The following UBQLN1 variants were observed in gnomAD, a reference collection of about 807,000 sequenced individuals.
UBQLN1 encodes the protein ubiquilin 1, also known as ubiquilin-1.
Under a neutral mutation model 65.4 loss-of-function variants are expected in UBQLN1, and 13 were observed. The observed-to-expected ratio is 0.20, with a 90% CI of 0.13 to 0.32. The LOEUF (loss-of-function observed/expected upper bound fraction) is 0.32. Ranked by LOEUF, UBQLN1 falls within the 10% of genes least tolerant of loss-of-function variation. The pLI is 1.00. For synonymous variants in UBQLN1, 267 were observed against 247.8 expected (o/e 1.08, Z -0.73); for missense variants, 561 against 724.0 (o/e 0.77, Z 2.58).
At chr9:83,690,283 T>C (rs575076557) in intron 1 of UBQLN1, among the ~76,000 whole-genome samples, 6 of 152,230 alleles carry the variant, frequency 3.9e-5, no homozygotes, top group African/African-American at 1.4e-4. Context: ...CTGCCACATA[T>C]CATCACGGAT....
intron 1 of UBQLN1, 57 bp from the exon 2 acceptor site, chr9:83,686,212 T>C: frequency 8.3e-7 from 1 of 1,209,046 alleles, no homozygotes; most frequent in Non-Finnish European, 1.1e-6. Context: ...CCATACAGTC[T>C]AGTTTCTACA....
intron 1 of UBQLN1, among the ~76,000 whole-genome samples, chr9:83,707,177 T>C (rs1646062502): frequency 6.6e-6 from 1 of 151,942 alleles, no homozygotes; most frequent in Admixed American, 6.5e-5. Context: ...TGGGTCCCTT[T>C]CCTTTGTGAG....
Position 83,661,536 on chromosome 9 carries a change from G to T in UBQLN1, c.*251C>A. ...AAAATCTGGTCACCCAACTATAAAA[G>T]GTGATGTTTTTAAAAAATTACAATA... is the stretch of plus-strand genomic sequence containing the variant. On this transcript the variant is annotated 3_prime_UTR_variant, in exon 11 of 11. Transcript: ENST00000376395. 2.9e-6 allele frequency: 1 copy of T among 339,684 alleles called. No individual in the cohort carries two copies. Among genetic ancestry groups the T allele is most frequent in the East Asian group, 4.8e-5 (1 of 21,014 alleles). The allele number at this position is 339,684 out of a possible 1,614,324, so 21.0% of individuals were successfully genotyped here. A position where few individuals can be genotyped will look rare whatever the true frequency, so the allele number is the denominator to read the frequency against.
chr9:83,687,937 T>C (rs867587741), intron 1 of UBQLN1, among the ~76,000 whole-genome samples: 1 of 152,214 alleles, frequency 6.6e-6, no homozygotes, highest in East Asian at 1.9e-4. Context: ...TGAAATCCTA[T>C]GATATATAAT....
intron 6 of UBQLN1, among the ~76,000 whole-genome samples, chr9:83,669,643 C>T (rs894033278): frequency 6.6e-6 from 1 of 152,138 alleles, no homozygotes; most frequent in Non-Finnish European, 1.5e-5. Flanking sequence ...TGAAAAATTC[C>T]ATAAAGTGAA....
intron 1 of UBQLN1, among the ~76,000 whole-genome samples, chr9:83,697,984 C>T (rs927124841): frequency 7.2e-5 from 11 of 152,158 alleles, no homozygotes; most frequent in Non-Finnish European, 1.6e-4. Context: ...GATCCACCCG[C>T]CTCGGCCTCC....
chr9:83,704,742 C>T (rs1478986358), intron 1 of UBQLN1, among the ~76,000 whole-genome samples: 1 of 145,014 alleles, frequency 6.9e-6, no homozygotes, highest in Non-Finnish European at 1.5e-5. Context: ...TGGGAGAATC[C>T]TTGAACCCGG....
intron 1 of UBQLN1, among the ~76,000 whole-genome samples, chr9:83,701,694 G>A (rs139463011): frequency 6.8e-4 from 103 of 152,060 alleles, no homozygotes; most frequent in Middle Eastern, 3.4e-3. Context: ...TGTGGTTATC[G>A]GAATCCTCAT....
chr9:83,682,950 C>T lies in UBQLN1; in HGVS notation c.448+1G>A. Reference sequence around the variant, plus strand: ...CTACTGGAATGACTAAAGACACTTACCTAAACCAAAAGGGTTGCTAGTAGC... The same window carrying T: ...CTACTGGAATGACTAAAGACACTTATCTAAACCAAAAGGGTTGCTAGTAGC... On this transcript the variant is annotated splice_donor_variant, in intron 3 of 10. Transcript: ENST00000376395. LOFTEE classifies it high-confidence loss of function. The T allele has an allele frequency of 6.3e-7, 1 of 1,596,040 alleles. No homozygotes were observed.
intron 1 of UBQLN1, among the ~76,000 whole-genome samples, chr9:83,692,681 C>T (rs1832147880): frequency 6.6e-6 from 1 of 152,068 alleles, no homozygotes. Flanking sequence ...GGAGAAACCC[C>T]GTCTCTACTA....
intron 1 of UBQLN1, among the ~76,000 whole-genome samples, chr9:83,693,097 T>C (rs1832155355): frequency 1.3e-5 from 2 of 152,190 alleles, no homozygotes; most frequent in African/African-American, 2.4e-5. Context: ...CTACAATAAC[T>C]ACAGGCCAGA....
chr9:83,688,733 T>C (rs537156311), intron 1 of UBQLN1, among the ~76,000 whole-genome samples: 5 of 152,098 alleles, frequency 3.3e-5, no homozygotes, highest in African/African-American at 7.2e-5. Flanking sequence ...TTGTGGTGCA[T>C]GTCTGTAATC....
At chr9:83,692,728 TG>T (rs1231026447) in intron 1 of UBQLN1, among the ~76,000 whole-genome samples, 1 of 152,080 alleles carries the variant, frequency 6.6e-6, no homozygotes, top group Non-Finnish European at 1.5e-5. Context: ...GGCAAATGCC[TG>T]TAATCCCAGC....
At chr9:83,668,163 T>C (rs1831673116) in intron 7 of UBQLN1, 1 of 985,280 alleles carries the variant, frequency 1.0e-6, no homozygotes, top group African/African-American at 1.7e-5. Context: ...ATATACAGAA[T>C]CACAGACACA....
intron 7 of UBQLN1, 90 bp downstream of exon 7, chr9:83,669,095 C>T (rs1167480362): frequency 2.1e-6 from 3 of 1,458,734 alleles, no homozygotes; most frequent in Non-Finnish European, 2.7e-6. Context: ...AGATATCATA[C>T]ACAACACAAA....
chr9:83,707,560 G>A lies in UBQLN1; in HGVS notation c.120C>T (p.Thr40=), dbSNP rs1365593213. The change falls in exon 1 of 11, where the codon ACC becomes ACT. Residue 40 remains threonine, a synonymous_variant. Coordinates refer to ENST00000376395, the MANE Select transcript of UBQLN1 (RefSeq NM_013438.5). ...CCTCCTTTTCCTTCGGGGTCTTCAC[G>A]GTGACTTTCATGATTTTGGGCTCCG... ...ASAEPKIMKV[T]VKTPKEKEEF... is the part of the protein sequence containing the mutation. 2 of 1,610,266 alleles carry A rather than the reference G, an allele frequency of 1.2e-6. No individual in the cohort carries two copies. The highest frequency in any genetic ancestry group is 1.7e-6 in the Non-Finnish European group (2 of 1,178,464).
At chr9:83,683,392 G>A (rs1831981000) in intron 2 of UBQLN1, among the ~76,000 whole-genome samples, 1 of 129,070 alleles carries the variant, frequency 7.7e-6, no homozygotes, top group Non-Finnish European at 1.5e-5. Flanking sequence ...TCCAGCCTGG[G>A]CAACAGAGCG....
chr9:83,686,253 C>T, intron 1 of UBQLN1, 98 bp from the exon 2 acceptor site: 1 of 773,168 alleles, frequency 1.3e-6, no homozygotes, highest in Non-Finnish European at 1.9e-6. Context: ...ACTACAGACG[C>T]TACAATTCAA....
At chr9:83,684,383 C>A (rs1189328826) in intron 2 of UBQLN1, among the ~76,000 whole-genome samples, 1 of 151,816 alleles carries the variant, frequency 6.6e-6, no homozygotes, top group Non-Finnish European at 1.5e-5. Context: ...TTAGTAGAGA[C>A]AGCGTTTCAC....
Sources: allele counts gnomAD v4.1 joint callset (sites outside exome capture counted in the v4.1 genomes callset), GRCh38; gene constraint gnomAD v4.1.1; transcripts MANE v1.5; gene names NCBI Gene and HGNC (gene_info 2026-07-23, HGNC 2026-07-21).